The following SELP variants were observed in gnomAD, a reference collection of about 807,000 sequenced individuals.
The protein encoded by SELP is P-selectin.
A neutral mutation model predicts 104.1 loss-of-function variants in SELP; 92 were observed. The observed-to-expected ratio is 0.88, with a 90% confidence interval of 0.75 to 1.05. The LOEUF is 1.05. SELP is among the 50% of genes least tolerant of loss of function. The pLI is 0.00. For synonymous variants in SELP, 397 were observed against 364.5 expected (o/e 1.09, Z -1.01); for missense variants, 1,022 against 1,017.3 (o/e 1.00, Z -0.06).
At position 169,617,020 on chromosome 1, in the gene SELP, G is replaced by A. The variant is rs1339402654; in HGVS notation, c.481+8C>T. On this transcript the variant is annotated splice_region_variant and intron_variant, in intron 3 of 16. Coordinates refer to ENST00000263686, the MANE Select transcript of SELP (RefSeq NM_003005.4). ...AACAGGAAAGTTTCAAAGTAGAGAA[G>A]GCCCTACCTGTGTAACACAATGCGT... 6 of 1,577,694 alleles carry A rather than the reference G, an allele frequency of 3.8e-6. No individual in the cohort carries two copies. The highest frequency in any genetic ancestry group is 4.3e-6 in the Non-Finnish European group (5 of 1,162,244).
At chr1:169,624,982 A>G (rs571458721) in intron 1 of SELP, among the ~76,000 whole-genome samples, 1 of 152,300 alleles carries the variant, frequency 6.6e-6, no homozygotes, top group Admixed American at 6.5e-5. Flanking sequence ...TTGTGCTTTT[A>G]GAAAGGCGGA....
chr1:169,613,053 C>G lies in SELP; in HGVS notation c.651G>C (p.Leu217=). 6.2e-7 allele frequency: 1 copy of G among 1,613,746 alleles called. No homozygotes were observed. The highest frequency in any genetic ancestry group is 8.5e-7 in the Non-Finnish European group (1 of 1,179,784). The change falls in exon 5 of 17, where the codon CTG becomes CTC. Residue 217 remains leucine (L), a synonymous_variant. Transcript: ENST00000263686. ...QHVLMNCSHP[L]GNFSFNSQCS... is the part of the protein sequence containing the mutation. The stretch of plus-strand genomic sequence containing the variant: ...ACTGCGAGTTAAAAGAGAAGTTTCC[C>G]AGAGGGTGGCTGCAGTTCATGAGCA...
chr1:169,617,646 T>G (rs980166617), intron 2 of SELP, among the ~76,000 whole-genome samples: 6 of 152,182 alleles, frequency 3.9e-5, no homozygotes, highest in Non-Finnish European at 8.8e-5. Flanking sequence ...TGAGGATCCT[T>G]GATGTTAAAG....
Position 169,611,508 on chromosome 1 carries a change from G to C in SELP, c.1131C>G (p.Pro377=). The C allele has an allele frequency of 6.2e-7, 1 of 1,613,842 alleles. No homozygotes were observed. Among genetic ancestry groups the C allele is most frequent in the Non-Finnish European group, 8.5e-7 (1 of 1,179,892 alleles). Residue 377 remains proline, a synonymous_variant, in exon 7 of 17, where the codon CCC becomes CCG. Coordinates refer to ENST00000263686, the MANE Select transcript of SELP (RefSeq NM_003005.4). Reference sequence around the variant, plus strand: ...AAATCCTACCCTCACAGGTTGGCAAGGGTGCAGACCAGTGTCCAGAGTCAA... The same window carrying C: ...AAATCCTACCCTCACAGGTTGGCAACGGTGCAGACCAGTGTCCAGAGTCAA... ...RCIDSGHWSA[P]LPTCEAISCE...
At position 169,593,678 on chromosome 1, in the gene SELP, C is replaced by T. The variant is rs140303776; in HGVS notation, c.2334G>A (p.Ala778=). Reference sequence around the variant, plus strand: ...TTATCAGACCTATCGTAGAAGCCACCGCTCCACCAAAGTAAGTCAGGGCTT... The same window carrying T: ...TTATCAGACCTATCGTAGAAGCCACTGCTCCACCAAAGTAAGTCAGGGCTT... ...IQEALTYFGG[A]VASTIGLIMG... is the part of the protein sequence containing the mutation. Residue 778 remains alanine (A), a synonymous_variant, in exon 14 of 17, where the codon GCG becomes GCA. Coordinates refer to ENST00000263686, the MANE Select transcript of SELP (RefSeq NM_003005.4). 8.7e-5 allele frequency: 141 copies of T among 1,613,324 alleles called. No individual in the cohort carries two copies. Among genetic ancestry groups the T allele is most frequent in the Middle Eastern group, 1.7e-4 (1 of 6,056 alleles).
chr1:169,595,189 T>TATTA (rs1661543996), intron 12 of SELP, among the ~76,000 whole-genome samples: 1 of 152,202 alleles, frequency 6.6e-6, no homozygotes, highest in African/African-American at 2.4e-5. Context: ...CTTAAAATAC[T>TATTA]GTTAGTCTAA....
intron 13 of SELP, 53 bp from the exon 14 acceptor site, chr1:169,593,777 G>A (rs1661463133): frequency 6.3e-7 from 1 of 1,589,836 alleles, no homozygotes; most frequent in Non-Finnish European, 8.6e-7. Flanking sequence ...TTATGCAAAA[G>A]ACTAGTCTTT....
intron 6 of SELP, 58 bp from the exon 7 acceptor site, chr1:169,611,735 A>G: frequency 6.9e-7 from 1 of 1,439,688 alleles, no homozygotes; most frequent in Admixed American, 2.0e-5. Flanking sequence ...AAAGCCACAC[A>G]GAGAGCAATG....
At chr1:169,624,228 TA>T (rs757998631) in intron 1 of SELP, among the ~76,000 whole-genome samples, 3 of 152,188 alleles carry the variant, frequency 2.0e-5, no homozygotes, top group Non-Finnish European at 4.4e-5. Flanking sequence ...CTCTGCATTA[TA>T]GTCTGCAGGA....
chr1:169,616,861 T>C (rs921814212), intron 3 of SELP, among the ~76,000 whole-genome samples, 167 bp downstream of exon 3: 1 of 152,208 alleles, frequency 6.6e-6, no homozygotes, highest in East Asian at 1.9e-4. Context: ...AATTCTGATC[T>C]TATATTCTTC....
rs756666627 is a variant in SELP at position 169,597,098 on chromosome 1, CCAACATTGAA to C, written c.1774_1783del (p.Phe592AlafsTer38). The C allele has an allele frequency of 6.2e-7, 1 of 1,613,252 alleles. No homozygotes were observed. Among genetic ancestry groups the C allele is most frequent in the South Asian group, 1.1e-5 (1 of 91,048 alleles). ...GTCACAAGAGAAATGGCAGGTGGAG[CCAACATTGAA>C]TTCTCCACGAGTGTCAGAACAATCC... On this transcript the variant is annotated frameshift_variant, in exon 11 of 17. Coordinates refer to ENST00000263686, the MANE Select transcript of SELP (RefSeq NM_003005.4). LOFTEE classifies it high-confidence loss of function.
At chr1:169,591,048 G>A (rs2101857734) in intron 15 of SELP, among the ~76,000 whole-genome samples, 1 of 152,146 alleles carries the variant, frequency 6.6e-6, no homozygotes, top group Middle Eastern at 3.4e-3. Context: ...GAAAAATTAG[G>A]CTGGTGTTGG....
chr1:169,622,373 A>G (rs1206754990), intron 1 of SELP, among the ~76,000 whole-genome samples: 1 of 152,230 alleles, frequency 6.6e-6, no homozygotes, highest in African/African-American at 2.4e-5. Context: ...CAAGGAATTG[A>G]GACATTGCTA....
At chr1:169,619,263 C>G (rs142170818) in intron 1 of SELP, 44 bp from the exon 2 acceptor site, 5 of 1,316,872 alleles carry the variant, frequency 3.8e-6, no homozygotes, top group Non-Finnish European at 5.5e-6. Context: ...CCATACACCA[C>G]CAACATGGCC....
chr1:169,593,573 A>C (rs1457374786), intron 14 of SELP, 32 bp downstream of exon 14: 2 of 1,600,520 alleles, frequency 1.2e-6, no homozygotes, highest in African/African-American at 2.7e-5. Flanking sequence ...TTATGTAACC[A>C]AGATGCAAAG....
intron 9 of SELP, among the ~76,000 whole-genome samples, chr1:169,605,293 C>T (rs1278173695): frequency 1.3e-5 from 2 of 152,218 alleles, no homozygotes; most frequent in East Asian, 3.9e-4. Context: ...AAGGTCACAG[C>T]CCCGCCCTGT....
chr1:169,613,571 A>G lies in SELP; in HGVS notation c.589+15T>C. ...GCATAAAACCAAAATAATATCAACA[A>G]AAAGGAAGCCTCACCGTATTCACAT... On this transcript the variant is annotated intron_variant, in intron 4 of 16. Coordinates refer to ENST00000263686, the MANE Select transcript of SELP (RefSeq NM_003005.4). 1 of 1,601,618 alleles carries G rather than the reference A, an allele frequency of 6.2e-7. No homozygotes were observed. Among genetic ancestry groups the G allele is most frequent in the Admixed American group, 1.7e-5 (1 of 59,978 alleles).
chr1:169,604,758 G>C (rs987162937), intron 9 of SELP, among the ~76,000 whole-genome samples: 1 of 152,178 alleles, frequency 6.6e-6, no homozygotes, highest in African/African-American at 2.4e-5. Context: ...AAGGACTTAT[G>C]GGGGAAAGGG....
At position 169,613,657 on chromosome 1, in the gene SELP, T is replaced by C. The variant is rs927440339; in HGVS notation, c.518A>G (p.Glu173Gly). ...GTAGTTCCCGATGGTCTCGAGGCACTCTCCTTGTTTGCTGCAGGACATGTC... is the reference window on the plus strand; with the variant it reads ...GTAGTTCCCGATGGTCTCGAGGCACCCTCCTTGTTTGCTGCAGGACATGTC... ...CQDMSCSKQG[E>G]CLETIGNYTC... The change falls in exon 4 of 17, where the codon GAG becomes GGG. Residue 173 changes from glutamate to glycine, a missense_variant. Coordinates refer to ENST00000263686, the MANE Select transcript of SELP (RefSeq NM_003005.4). The C allele has an allele frequency of 5.6e-6, 9 of 1,613,864 alleles. No individual in the cohort carries two copies. The highest frequency in any genetic ancestry group is 1.6e-4 in the Middle Eastern group (1 of 6,082).
Sources: allele counts gnomAD v4.1 joint callset (sites outside exome capture counted in the v4.1 genomes callset), GRCh38; gene constraint gnomAD v4.1.1; transcripts MANE v1.5; gene names NCBI Gene and HGNC (gene_info 2026-07-23, HGNC 2026-07-21).